The following KSR2 variants were observed in gnomAD, a reference collection of about 807,000 sequenced individuals.
KSR2 encodes kinase suppressor of ras 2.
KSR2 carries 25 observed loss-of-function variants against 107.8 expected under a neutral mutation model. The ratio of observed to expected loss-of-function variants is 0.23; its 90% CI spans 0.17 to 0.32. The LOEUF (loss-of-function observed/expected upper bound fraction) is 0.32. Among genes scored for constraint, KSR2 ranks in the 10% least tolerant of loss-of-function variants. The pLI is 1.00. For synonymous variants in KSR2, 480 were observed against 507.0 expected, an observed-to-expected ratio of 0.95 and a Z score of 0.71; for missense variants, 887 against 1,268.9, an observed-to-expected ratio of 0.70 and a Z score of 4.57.
intron 5 of KSR2, among the ~76,000 whole-genome samples, chr12:117,589,603 T>A (rs1199797356): frequency 6.6e-6 from 1 of 152,144 alleles, no homozygotes; most frequent in Admixed American, 6.5e-5. Context: ...AAAACTTAGA[T>A]CATTAAACTT....
At chr12:117,551,210 T>C (rs1877283735) in intron 9 of KSR2, among the ~76,000 whole-genome samples, 1 of 152,018 alleles carries the variant, frequency 6.6e-6, no homozygotes, top group African/African-American at 2.4e-5. Context: ...TCCTCCATTC[T>C]CCTCATCCAC....
intron 1 of KSR2, among the ~76,000 whole-genome samples, chr12:117,912,861 G>C (rs1264428273): frequency 1.3e-5 from 2 of 152,102 alleles, no homozygotes. Flanking sequence ...CGGCAAGTAG[G>C]GACCCGTAAA....
At chr12:117,474,325 T>C (rs529222265) in intron 17 of KSR2, among the ~76,000 whole-genome samples, 89 of 152,310 alleles carry the variant, frequency 5.8e-4, no homozygotes, top group Non-Finnish European at 1.0e-3. Flanking sequence ...TCTAACTAGA[T>C]AAAGATTTGG....
chr12:117,611,831 G>A (rs940229184), intron 5 of KSR2, among the ~76,000 whole-genome samples: 9 of 152,138 alleles, frequency 5.9e-5, no homozygotes, highest in Non-Finnish European at 1.3e-4. Flanking sequence ...GATGAGACTA[G>A]AGTTCATTAT....
At chr12:117,640,782 T>C (rs1883320009) in intron 5 of KSR2, among the ~76,000 whole-genome samples, 3 of 152,254 alleles carry the variant, frequency 2.0e-5, no homozygotes, top group South Asian at 4.1e-4. Flanking sequence ...GGAAAGAGTA[T>C]GTAACTCTTT....
At chr12:117,720,243 T>C (rs769835223) in intron 4 of KSR2, among the ~76,000 whole-genome samples, 2 of 152,192 alleles carry the variant, frequency 1.3e-5, no homozygotes, top group Non-Finnish European at 2.9e-5. Flanking sequence ...GGCCTGTTTC[T>C]TGGGTGTTGT....
chr12:117,655,335 C>G (rs555352220), intron 5 of KSR2, among the ~76,000 whole-genome samples: 3 of 152,318 alleles, frequency 2.0e-5, no homozygotes, highest in Admixed American at 2.0e-4. Context: ...ATTCACTGGT[C>G]TTACCATGTT....
rs1389306334 is a variant in KSR2 at position 117,458,081 on chromosome 12, C to G, written c.*9118G>C. The G allele has an allele frequency of 6.6e-6, 1 of 152,224 alleles. No individual in the cohort carries two copies. Among genetic ancestry groups the G allele is most frequent in the East Asian group, 1.9e-4 (1 of 5,192 alleles). 9.4% of individuals were successfully genotyped at this position (152,224 alleles called of 1,614,324 possible). ...TCAGAACAGGTGAGACATTGTATCA[C>G]TCATCACTGAATGCCCAGGGTCTAA... is the stretch of plus-strand genomic sequence containing the variant. On this transcript the variant is annotated 3_prime_UTR_variant, in exon 20 of 20. Coordinates refer to ENST00000339824, the MANE Select transcript of KSR2 (RefSeq NM_173598.6).
intron 4 of KSR2, among the ~76,000 whole-genome samples, chr12:117,692,892 G>C (rs1343174934): frequency 6.6e-6 from 1 of 152,108 alleles, no homozygotes; most frequent in Admixed American, 6.5e-5. Context: ...TGGGGATAGG[G>C]GGAAGCTAGG....
intron 3 of KSR2, among the ~76,000 whole-genome samples, chr12:117,800,327 C>T (rs1890787356): frequency 1.3e-5 from 2 of 152,080 alleles, no homozygotes; most frequent in South Asian, 2.1e-4. Context: ...TGGCCCTTTC[C>T]ACAGGGCCAG....
At chr12:117,823,130 A>AC (rs35002501) in intron 3 of KSR2, among the ~76,000 whole-genome samples, 41,192 of 150,158 alleles carry the variant, frequency 0.27, 6,207 homozygotes, top group Middle Eastern at 0.39. Flanking sequence ...AAAAAAAAAA[A>AC]GTGTGGCTGG....
chr12:117,698,768 A>G (rs1484363149), intron 4 of KSR2, among the ~76,000 whole-genome samples: 1 of 152,134 alleles, frequency 6.6e-6, no homozygotes, highest in Non-Finnish European at 1.5e-5. Flanking sequence ...TCCACTCGTC[A>G]GCTTTATTTT....
chr12:117,843,337 T>TA (rs1892566910), intron 3 of KSR2, among the ~76,000 whole-genome samples: 2 of 152,174 alleles, frequency 1.3e-5, no homozygotes, highest in South Asian at 4.1e-4. Context: ...CCCATTCTAC[T>TA]AAGAAGCTGC....
intron 1 of KSR2, among the ~76,000 whole-genome samples, chr12:117,869,050 G>A: frequency 6.6e-6 from 1 of 151,656 alleles, no homozygotes; most frequent in East Asian, 2.0e-4. Context: ...ACCATGCCTG[G>A]CCGCATATAT....
At chr12:117,625,650 T>G (rs1882461122) in intron 5 of KSR2, among the ~76,000 whole-genome samples, 1 of 152,184 alleles carries the variant, frequency 6.6e-6, no homozygotes, top group Non-Finnish European at 1.5e-5. Context: ...TCAGGGATAT[T>G]GGTCTAAAAT....
chr12:117,453,817 T>G lies in KSR2; in HGVS notation c.*13382A>C, dbSNP rs1490960351. 2 of 152,186 alleles carry G rather than the reference T, an allele frequency of 1.3e-5. No individual in the cohort carries two copies. The highest frequency in any genetic ancestry group is 2.9e-5 in the Non-Finnish European group (2 of 68,032). 9.4% of individuals were successfully genotyped at this position (152,186 alleles called of 1,614,324 possible). A position where few individuals can be genotyped will look rare whatever the true frequency, so the allele number is the denominator to read the frequency against. On this transcript the variant is annotated 3_prime_UTR_variant, in exon 20 of 20. Coordinates refer to ENST00000339824, the MANE Select transcript of KSR2 (RefSeq NM_173598.6). ...TATGGTCAAGGGCACAGATGTAATG[T>G]GACTTGCCTTATCTGCCCCAGTCAA...
intron 1 of KSR2, among the ~76,000 whole-genome samples, chr12:117,876,979 G>A (rs1011249101): frequency 2.6e-5 from 4 of 152,064 alleles, no homozygotes; most frequent in Non-Finnish European, 5.9e-5. Context: ...ATAACCTGGA[G>A]GTAATTTTGT....
intron 4 of KSR2, among the ~76,000 whole-genome samples, chr12:117,706,465 T>C (rs1226810090): frequency 6.6e-5 from 10 of 152,078 alleles, no homozygotes; most frequent in Admixed American, 6.6e-4. Flanking sequence ...ATTCCCATAG[T>C]GGACATTCAG....
intron 14 of KSR2, among the ~76,000 whole-genome samples, chr12:117,508,141 T>A (rs1188964170): frequency 6.6e-6 from 1 of 152,226 alleles, no homozygotes; most frequent in East Asian, 1.9e-4. Flanking sequence ...GTCTGTTTTA[T>A]GTTTATATCA....
Sources: allele counts gnomAD v4.1 joint callset (sites outside exome capture counted in the v4.1 genomes callset), GRCh38; gene constraint gnomAD v4.1.1; transcripts MANE v1.5; gene names NCBI Gene and HGNC (gene_info 2026-07-23, HGNC 2026-07-21).